Variants in VWC2 observed in about 807,000 individuals in gnomAD.
VWC2 encodes von Willebrand factor C domain containing 2, also known as brorin.
In VWC2, 14 loss-of-function variants were observed where a neutral mutation model predicts 29.8. The ratio of observed to expected loss-of-function variants is 0.47; its 90% CI spans 0.31 to 0.74. The LOEUF (loss-of-function observed/expected upper bound fraction) is 0.74. Among genes scored for constraint, VWC2 ranks in the 30% least tolerant of loss-of-function variants. The pLI is 0.05. For synonymous variants in VWC2, 213 were observed against 199.0 expected (o/e 1.07, Z -0.59); for missense variants, 457 against 459.8 (o/e 0.99, Z 0.05).
intron 3 of VWC2, among the ~76,000 whole-genome samples, chr7:49,873,731 A>C (rs1469796482): frequency 1.3e-5 from 2 of 152,216 alleles, no homozygotes; most frequent in Non-Finnish European, 2.9e-5. Context: ...AAACTTCAAC[A>C]TGTATATTTG....
At chr7:49,870,119 C>T (rs529052647) in intron 3 of VWC2, among the ~76,000 whole-genome samples, 21 of 152,092 alleles carry the variant, frequency 1.4e-4, no homozygotes, top group Admixed American at 8.5e-4. Flanking sequence ...AAAACATTTT[C>T]GCTGGGTGCG....
chr7:49,885,929 C>G (rs1791885384), intron 3 of VWC2, among the ~76,000 whole-genome samples: 1 of 152,234 alleles, frequency 6.6e-6, no homozygotes, highest in Admixed American at 6.5e-5. Flanking sequence ...GATTCTGGGG[C>G]TGTGCAGAGG....
chr7:49,834,518 T>A (rs1343298523), intron 3 of VWC2, among the ~76,000 whole-genome samples: 1 of 152,212 alleles, frequency 6.6e-6, no homozygotes, highest in African/African-American at 2.4e-5. Context: ...CTACTGAGTG[T>A]CAGTCTGTAT....
Position 49,780,911 on chromosome 7 carries a change from TA to T in VWC2, c.696+4787del, listed in dbSNP as rs532104637. ...ATCTTATTTCTAGGTTTTTATCAAT[TA>T]AAAAAATTTGAACATGAAATTTGGA... On this transcript the variant is annotated intron_variant, in intron 2 of 3. Transcript: ENST00000340652. Among the ~76,000 whole-genome samples, 101 of 152,278 alleles carry T rather than the reference TA, an allele frequency of 6.6e-4. 1 individual carries two copies. The highest frequency in any genetic ancestry group is 3.5e-4 in the Non-Finnish European group (24 of 68,020).
chr7:49,780,459 G>T (rs1788149323), intron 2 of VWC2, among the ~76,000 whole-genome samples: 1 of 152,172 alleles, frequency 6.6e-6, no homozygotes, highest in Non-Finnish European at 1.5e-5. Context: ...AACAAAACAA[G>T]TTGTTTTCAT....
chr7:49,816,200 C>T (rs1246970973), intron 3 of VWC2, among the ~76,000 whole-genome samples: 2 of 152,106 alleles, frequency 1.3e-5, no homozygotes, highest in Non-Finnish European at 2.9e-5. Context: ...GACCTTGATA[C>T]TTAATTAGGG....
At chr7:49,889,816 C>T (rs146895635) in intron 3 of VWC2, among the ~76,000 whole-genome samples, 14 of 152,152 alleles carry the variant, frequency 9.2e-5, no homozygotes, top group Admixed American at 5.2e-4. Flanking sequence ...TGGTCTTTAA[C>T]GATAACAAAT....
chr7:49,919,175 C>G lies in VWC2; in HGVS notation c.*6990C>G, dbSNP rs562976199. On this transcript the variant is annotated 3_prime_UTR_variant, in exon 4 of 4. Transcript: ENST00000340652. ...TCTACCTGCTTCCAAATATTCTTCC[C>G]TGGGGAGCAGCTGTGAGTCTTACTG... The G allele has an allele frequency of 1.7e-3, 255 of 152,190 alleles. No homozygotes were observed. The highest frequency in any genetic ancestry group is 5.9e-3 in the African/African-American group (244 of 41,504). The allele number at this position is 152,190 out of a possible 1,614,324, so 9.4% of individuals were successfully genotyped here. A position where few individuals can be genotyped will look rare whatever the true frequency, so the allele number is the denominator to read the frequency against.
chr7:49,779,869 C>T (rs928850824), intron 2 of VWC2, among the ~76,000 whole-genome samples: 1 of 152,186 alleles, frequency 6.6e-6, no homozygotes, highest in Non-Finnish European at 1.5e-5. Context: ...GGTGTTCCCT[C>T]TGCATCTGTC....
chr7:49,912,450 T>C lies in VWC2; in HGVS notation c.*265T>C. On this transcript the variant is annotated 3_prime_UTR_variant, in exon 4 of 4. Coordinates refer to ENST00000340652, the MANE Select transcript of VWC2 (RefSeq NM_198570.5). Reference sequence around the variant, plus strand: ...GTAAGTACACAAAAGTACACTATTATATATCAAATGTATTTCTATAATCCC... The same window carrying C: ...GTAAGTACACAAAAGTACACTATTACATATCAAATGTATTTCTATAATCCC... 1 of 316,092 alleles carries C rather than the reference T, an allele frequency of 3.2e-6. No individual in the cohort carries two copies. Among genetic ancestry groups the C allele is most frequent in the Non-Finnish European group, 5.9e-6 (1 of 169,112 alleles). The allele number at this position is 316,092 out of a possible 1,614,324, so 19.6% of individuals were successfully genotyped here.
intron 3 of VWC2, among the ~76,000 whole-genome samples, chr7:49,899,108 CAT>C (rs1393497891): frequency 2.0e-5 from 3 of 152,000 alleles, no homozygotes; most frequent in African/African-American, 7.2e-5. Context: ...AAATCAGACA[CAT>C]AGACTATCCC....
chr7:49,856,837 A>T (rs1435952853), intron 3 of VWC2, among the ~76,000 whole-genome samples: 1 of 151,718 alleles, frequency 6.6e-6, no homozygotes, highest in African/African-American at 2.4e-5. Flanking sequence ...GTGAAACCCC[A>T]TCTCTACTAA....
chr7:49,835,547 TCAACTAAGA>T (rs1215148572), intron 3 of VWC2, among the ~76,000 whole-genome samples: 2 of 152,150 alleles, frequency 1.3e-5, no homozygotes, highest in Admixed American at 6.5e-5. Flanking sequence ...GAGCTCAACT[TCAACTAAGA>T]CCAAGGTGGC....
intron 3 of VWC2, among the ~76,000 whole-genome samples, chr7:49,893,960 C>T (rs1225283427): frequency 6.6e-6 from 1 of 152,156 alleles, no homozygotes; most frequent in Non-Finnish European, 1.5e-5. Context: ...ATGCTGGACC[C>T]TGCTGGGCTC....
chr7:49,798,186 C>T (rs692647), intron 2 of VWC2, among the ~76,000 whole-genome samples: 5 of 152,090 alleles, frequency 3.3e-5, no homozygotes, highest in African/African-American at 4.8e-5. Context: ...TGAGTTGGCA[C>T]GTGGGGAACC....
intron 3 of VWC2, among the ~76,000 whole-genome samples, chr7:49,857,442 T>C (rs1348224101): frequency 6.6e-6 from 1 of 152,238 alleles, no homozygotes; most frequent in African/African-American, 2.4e-5. Context: ...CCAGGGGCAC[T>C]TGAGTTGTTT....
intron 2 of VWC2, among the ~76,000 whole-genome samples, chr7:49,787,148 C>G (rs1041183363): frequency 7.2e-5 from 11 of 152,150 alleles, no homozygotes; most frequent in Non-Finnish European, 1.6e-4. Context: ...CCTACCCTTC[C>G]TGTAATGAAG....
At chr7:49,867,834 TA>T (rs1790970471) in intron 3 of VWC2, among the ~76,000 whole-genome samples, 2 of 80,812 alleles carry the variant, frequency 2.5e-5, no homozygotes, top group South Asian at 6.5e-4. Context: ...TTTATTTTAT[TA>T]TTTTATTTTA....
Position 49,776,137 on chromosome 7 carries a change from A to C in VWC2, c.696+6A>C. ...AGACTTTGGAGGAGTTCGTGGTAAG[A>C]TGCGAACGCCCGCCGGGCGACTTTG... is the stretch of plus-strand genomic sequence containing the variant. On this transcript the variant is annotated splice_donor_region_variant and intron_variant, in intron 2 of 3. Coordinates refer to ENST00000340652, the MANE Select transcript of VWC2 (RefSeq NM_198570.5). 3 of 1,504,504 alleles carry C rather than the reference A, an allele frequency of 2.0e-6. No individual in the cohort carries two copies. The highest frequency in any genetic ancestry group is 2.7e-6 in the Non-Finnish European group (3 of 1,126,222). The allele number at this position is 1,504,504 out of a possible 1,614,324, so 93.2% of individuals were successfully genotyped here.
Sources: gnomAD v4.1 joint callset for allele counts (sites outside exome capture counted in the v4.1 genomes callset) on GRCh38, gnomAD v4.1.1 for gene constraint, MANE v1.5 for transcripts, NCBI Gene and HGNC (gene_info 2026-07-23, HGNC 2026-07-21) for gene names.